ZFAND6: variants seen among roughly 807,000 people sequenced by gnomAD.
ZFAND6 encodes zinc finger AN1-type containing 6, also known as AN1-type zinc finger protein 6.
In ZFAND6, 12 loss-of-function variants were observed where a neutral mutation model predicts 24.5. The observed-to-expected ratio is 0.49, with a 90% CI of 0.31 to 0.79. The LOEUF (loss-of-function observed/expected upper bound fraction) is 0.79. Ranked by LOEUF, ZFAND6 falls within the 30% of genes least tolerant of loss-of-function variation. ZFAND6 has a pLI of 0.04. For synonymous variants in ZFAND6, 92 were observed against 81.5 expected (o/e 1.13, Z -0.69); for missense variants, 207 against 245.9 (o/e 0.84, Z 1.06).
chr15:80,061,388 A>C (rs1184690151), intron 1 of ZFAND6, among the ~76,000 whole-genome samples: 1 of 152,152 alleles, frequency 6.6e-6, no homozygotes, highest in Admixed American at 6.5e-5. Flanking sequence ...ATTTAATACT[A>C]CCAAAAAAAA....
intron 1 of ZFAND6, among the ~76,000 whole-genome samples, chr15:80,078,516 CATAA>C (rs1352860045): frequency 6.6e-6 from 1 of 152,204 alleles, no homozygotes; most frequent in Non-Finnish European, 1.5e-5. Context: ...CTGTGATGAA[CATAA>C]ACGAGTGCAT....
intron 1 of ZFAND6, among the ~76,000 whole-genome samples, chr15:80,097,442 A>G (rs1307184471): frequency 6.6e-6 from 1 of 152,030 alleles, no homozygotes; most frequent in Non-Finnish European, 1.5e-5. Flanking sequence ...GAGGTCAGGA[A>G]TTTGAGACCA....
chr15:80,134,150 A>G (rs1179902219), intron 6 of ZFAND6, among the ~76,000 whole-genome samples: 2 of 151,976 alleles, frequency 1.3e-5, no homozygotes, highest in Non-Finnish European at 2.9e-5. Context: ...ACCATGCCCA[A>G]CTAATTTCTT....
rs974657029 is a variant in ZFAND6 at position 80,108,744 on chromosome 15, C to CT, written c.-18+10175dup. On this transcript the variant is annotated intron_variant, in intron 2 of 6. Coordinates refer to ENST00000261749, the MANE Select transcript of ZFAND6 (RefSeq NM_019006.4). ...GCATCCTTGTTTTTTTGTTTTTTTT[C>CT]TTTTTTTTTGGAGTCTCACTCTGTT... 8.9e-5 allele frequency among the ~76,000 whole-genome samples: 12 copies of CT among 134,260 alleles called. No homozygotes were observed. In the East Asian group the frequency reaches 9.9e-4, roughly 11 times the overall value. 88.1% of individuals were successfully genotyped at this position (134,260 alleles called of 152,430 possible).
chr15:80,128,725 G>A (rs2040474429), intron 5 of ZFAND6, among the ~76,000 whole-genome samples: 1 of 152,180 alleles, frequency 6.6e-6, no homozygotes. Context: ...TTGAGTTATA[G>A]CATATAAGCT....
intron 1 of ZFAND6, among the ~76,000 whole-genome samples, chr15:80,083,014 T>C (rs1056228015): frequency 2.6e-5 from 4 of 152,134 alleles, no homozygotes; most frequent in Non-Finnish European, 5.9e-5. Flanking sequence ...TATTTTGAAA[T>C]GGAGTCTCAC....
At chr15:80,128,045 A>T (rs1229430177) in intron 5 of ZFAND6, among the ~76,000 whole-genome samples, 1 of 152,230 alleles carries the variant, frequency 6.6e-6, no homozygotes, top group Admixed American at 6.5e-5. Flanking sequence ...AGTATGAGTG[A>T]TCCTTGAAAA....
intron 2 of ZFAND6, among the ~76,000 whole-genome samples, chr15:80,116,089 GT>G (rs149794251): frequency 1.2e-3 from 171 of 143,942 alleles, no homozygotes; most frequent in African/African-American, 3.7e-3. Flanking sequence ...GCCTTTTTAG[GT>G]TTTTTTTTTG....
intron 2 of ZFAND6, among the ~76,000 whole-genome samples, chr15:80,110,994 C>T (rs933786882): frequency 6.6e-6 from 1 of 152,106 alleles, no homozygotes; most frequent in Admixed American, 6.6e-5. Context: ...AATAGATGTT[C>T]TATTATCTAA....
At chr15:80,090,114 TATTC>T (rs1384356172) in intron 1 of ZFAND6, among the ~76,000 whole-genome samples, 1 of 152,212 alleles carries the variant, frequency 6.6e-6, no homozygotes, top group African/African-American at 2.4e-5. Context: ...AGCCATTCCT[TATTC>T]AAATCATACT....
At chr15:80,122,939 T>A in intron 5 of ZFAND6, 139 bp downstream of exon 5, 1 of 515,666 alleles carries the variant, frequency 1.9e-6, no homozygotes, top group Non-Finnish European at 3.4e-6. Context: ...TTTATATCTT[T>A]AAGTATTTAA....
intron 1 of ZFAND6, among the ~76,000 whole-genome samples, chr15:80,096,486 T>C (rs558766020): frequency 6.6e-6 from 1 of 152,360 alleles, no homozygotes; most frequent in Non-Finnish European, 1.5e-5. Flanking sequence ...AAAATATTCA[T>C]ATGTACCATA....
intron 1 of ZFAND6, among the ~76,000 whole-genome samples, chr15:80,071,616 T>C (rs1176275159): frequency 6.6e-6 from 1 of 152,094 alleles, no homozygotes; most frequent in African/African-American, 2.4e-5. Flanking sequence ...GTGTAGTGTC[T>C]CTTTATGATC....
chr15:80,129,264 T>C (rs1409804205), intron 5 of ZFAND6, among the ~76,000 whole-genome samples: 2 of 152,256 alleles, frequency 1.3e-5, no homozygotes, highest in Non-Finnish European at 2.9e-5. Flanking sequence ...AAATAGTATG[T>C]TCACAGTATT....
intron 1 of ZFAND6, among the ~76,000 whole-genome samples, chr15:80,077,488 G>A (rs1010519696): frequency 1.1e-4 from 16 of 152,148 alleles, no homozygotes; most frequent in African/African-American, 3.9e-4. Context: ...AAAAGAAAAA[G>A]TAGCCTTTTT....
chr15:80,066,280 G>A (rs1323739133), intron 1 of ZFAND6, among the ~76,000 whole-genome samples: 1 of 151,304 alleles, frequency 6.6e-6, no homozygotes, highest in African/African-American at 2.4e-5. Flanking sequence ...ACCAAGGTGT[G>A]TATGGGAGTT....
intron 5 of ZFAND6, among the ~76,000 whole-genome samples, chr15:80,123,733 G>T (rs1286472711): frequency 1.3e-5 from 2 of 152,166 alleles, no homozygotes; most frequent in Admixed American, 6.5e-5. Flanking sequence ...AATTAGCCAG[G>T]TGAGGCGGCA....
At position 80,131,162 on chromosome 15, in the gene ZFAND6, C is replaced by A; in HGVS notation, c.365-18C>A. On this transcript the variant is annotated intron_variant, in intron 5 of 6. Transcript: ENST00000261749. ...CTTACAGAATAATTAAATTTTGCCA[C>A]CTTCGTATTTTTGTTAGCTTCAGTA... 6.6e-7 allele frequency: 1 copy of A among 1,525,284 alleles called. No homozygotes were observed. Among genetic ancestry groups the A allele is most frequent in the Non-Finnish European group, 8.9e-7 (1 of 1,128,424 alleles). The allele number at this position is 1,525,284 out of a possible 1,614,324, so 94.5% of individuals were successfully genotyped here. A position where few individuals can be genotyped will look rare whatever the true frequency, so the allele number is the denominator to read the frequency against.
intron 1 of ZFAND6, among the ~76,000 whole-genome samples, chr15:80,084,862 G>A (rs550236518): frequency 2.6e-4 from 39 of 152,334 alleles, no homozygotes; most frequent in African/African-American, 9.1e-4. Context: ...GCCTCAGAAT[G>A]TCTCCTAAGC....
Sources: allele counts gnomAD v4.1 joint callset (sites outside exome capture counted in the v4.1 genomes callset), GRCh38; gene constraint gnomAD v4.1.1; transcripts MANE v1.5; gene names NCBI Gene and HGNC (gene_info 2026-07-23, HGNC 2026-07-21).